The following CROCC2 variants were observed in gnomAD, a reference collection of about 807,000 sequenced individuals.
CROCC2 encodes ciliary rootlet coiled-coil protein 2.
Under a neutral mutation model 177.6 loss-of-function variants are expected in CROCC2, and 163 were observed. That is an observed-to-expected ratio of 0.92 (90% CI 0.81 to 1.05). The LOEUF is 1.05. Ranked by LOEUF, CROCC2 falls within the 50% of genes least tolerant of loss-of-function variation. CROCC2 has a pLI of 0.00. For synonymous variants in CROCC2, 904 were observed against 787.3 expected, an observed-to-expected ratio of 1.15 and a Z score of -2.48; for missense variants, 1,929 against 1,797.8, an observed-to-expected ratio of 1.07 and a Z score of -1.32.
At chr2:240,950,054 A>G (rs2059544413) in intron 17 of CROCC2, among the ~76,000 whole-genome samples, 1 of 152,184 alleles carries the variant, frequency 6.6e-6, no homozygotes, top group Non-Finnish European at 1.5e-5. Context: ...CTGGTTTGAC[A>G]TGTCTTTACA....
intron 20 of CROCC2, among the ~76,000 whole-genome samples, chr2:240,962,045 C>T (rs1337414170): frequency 2.2e-5 from 3 of 138,110 alleles, no homozygotes; most frequent in Middle Eastern, 3.2e-3. Context: ...CACACACGCG[C>T]ACACACATAC....
At chr2:240,966,938 T>C (rs986928803) in intron 25 of CROCC2, among the ~76,000 whole-genome samples, 2 of 152,036 alleles carry the variant, frequency 1.3e-5, no homozygotes, top group Non-Finnish European at 2.9e-5. Context: ...ACTCCTTCCC[T>C]TCGGGCCCAC....
At chr2:240,925,477 T>C (rs1050085141) in intron 4 of CROCC2, among the ~76,000 whole-genome samples, 5 of 152,148 alleles carry the variant, frequency 3.3e-5, no homozygotes, top group Non-Finnish European at 5.9e-5. Flanking sequence ...GGGGCAGATA[T>C]CGCAGGGAGG....
chr2:240,949,425 C>G lies in CROCC2; in HGVS notation c.2483-108C>G. 7.4e-7 allele frequency: 1 copy of G among 1,353,470 alleles called. No individual in the cohort carries two copies. 83.8% of individuals were successfully genotyped at this position (1,353,470 alleles called of 1,614,324 possible). A position where few individuals can be genotyped will look rare whatever the true frequency, so the allele number is the denominator to read the frequency against. ...ATGTGCTGGCCACCCACTCCCGGAG[C>G]CTGGAGTGGACAGTGCTTGCCCCCA... On this transcript the variant is annotated intron_variant, in intron 16 of 31. Transcript: ENST00000690015. The surrounding 1 kb of genome is among the most constrained non-coding windows in gnomAD (Gnocchi z 4.5).
At chr2:240,919,827 C>T (rs568299007) in intron 2 of CROCC2, among the ~76,000 whole-genome samples, 156 bp from the exon 3 acceptor site, 2 of 152,270 alleles carry the variant, frequency 1.3e-5, no homozygotes, top group South Asian at 4.1e-4. Context: ...TGTTAGGGTC[C>T]CGGGCTCAGA....
At chr2:240,957,826 T>C in intron 19 of CROCC2, 1 of 270,184 alleles carries the variant, frequency 3.7e-6, no homozygotes, top group Non-Finnish European at 5.7e-6. Context: ...GGACCAAGCT[T>C]GGCATCGGGC....
Position 240,934,974 on chromosome 2 carries a change from T to C in CROCC2, c.1850T>C (p.Val617Ala), listed in dbSNP as rs1210477366. The C allele has an allele frequency of 1.3e-6, 2 of 1,501,220 alleles. No individual in the cohort carries two copies. The highest frequency in any genetic ancestry group is 2.6e-5 in the South Asian group (2 of 77,858). 93.0% of individuals were successfully genotyped at this position (1,501,220 alleles called of 1,614,324 possible). The change falls in exon 13 of 32, where the codon GTG becomes GCG. Residue 617 changes from valine to alanine, a missense_variant. Around this residue, in one of 3 missense-constraint regions of CROCC2, gnomAD observed 1,397 missense variants for 1,239.9 expected, o/e 1.13. Coordinates refer to ENST00000690015, the MANE Select transcript of CROCC2 (RefSeq NM_001351305.2). Reference protein sequence around the residue: ...LLVRRLKSEGVEQRDSLAAMA... With the variant: ...LLVRRLKSEGAEQRDSLAAMA... ...GTGAGGCGGCTGAAGTCGGAGGGAGTGGAGCAAAGGGACTCCCTGGCCGCA... is the reference window on the plus strand; with the variant it reads ...GTGAGGCGGCTGAAGTCGGAGGGAGCGGAGCAAAGGGACTCCCTGGCCGCA...
At chr2:240,922,696 C>A in intron 4 of CROCC2, 51 bp downstream of exon 4, 1 of 525,546 alleles carries the variant, frequency 1.9e-6, no homozygotes. Context: ...AGCCATCCCC[C>A]CGAGAGGCAG....
rs763990813 is a variant in CROCC2, at chr2:240,968,146, G to A, written c.4285G>A (p.Gly1429Ser). 3.9e-4 allele frequency: 589 copies of A among 1,500,654 alleles called. 2 individuals are homozygous for A. The highest frequency in any genetic ancestry group is 7.4e-5 in the Non-Finnish European group (83 of 1,128,034). The allele number at this position is 1,500,654 out of a possible 1,614,324, so 93.0% of individuals were successfully genotyped here. ...EAEEGQRRVE[G>S]ALSSARAARA... ...CCCCACAGGCCAGCGCCGGGTGGAGGGCGCGCTGAGCAGCGCCCGGGCAGC... is the reference window on the plus strand; with the variant it reads ...CCCCACAGGCCAGCGCCGGGTGGAGAGCGCGCTGAGCAGCGCCCGGGCAGC... Residue 1429 changes from glycine to serine, a missense_variant, in exon 27 of 32, where the codon GGC becomes AGC. Gly to Ser is a moderately conservative substitution (Grantham distance 56). Coordinates refer to ENST00000690015, the MANE Select transcript of CROCC2 (RefSeq NM_001351305.2).
chr2:240,932,677 A>C (rs1229081833), intron 8 of CROCC2, 25 bp from the exon 9 acceptor site: 5 of 725,182 alleles, frequency 6.9e-6, no homozygotes, highest in Non-Finnish European at 1.0e-5. Context: ...GGGCCCCTCT[A>C]TCCCTTCCTC....
chr2:240,971,776 C>T (rs891233588), intron 27 of CROCC2, among the ~76,000 whole-genome samples: 3 of 152,166 alleles, frequency 2.0e-5, no homozygotes, highest in Admixed American at 6.5e-5. Flanking sequence ...CATCCCAATA[C>T]TGATCCCCTG....
At position 240,959,098 on chromosome 2, in the gene CROCC2, G is replaced by A. The variant is rs1033629323; in HGVS notation, c.2944-203G>A. ...TCACACATCACAGCTGTCAGGGGCC[G>A]TGGATGTCTCCTCATCCCAGCAGCC... On this transcript the variant is annotated intron_variant, in intron 19 of 31. Transcript: ENST00000690015. 12 of 573,822 alleles carry A rather than the reference G, an allele frequency of 2.1e-5. No individual in the cohort carries two copies. The East Asian group carries it at 2.8e-4, about 13-fold the overall frequency. 35.5% of individuals were successfully genotyped at this position (573,822 alleles called of 1,614,324 possible). A position where few individuals can be genotyped will look rare whatever the true frequency, so the allele number is the denominator to read the frequency against.
intron 1 of CROCC2, among the ~76,000 whole-genome samples, chr2:240,913,749 G>A (rs953184890): frequency 6.6e-6 from 1 of 152,258 alleles, no homozygotes; most frequent in Non-Finnish European, 1.5e-5. Flanking sequence ...CTGAGCAATT[G>A]CTGAAATACA....
rs2059731285 is a variant in CROCC2 at position 240,972,858 on chromosome 2, T to C, written c.4401+4596T>C. On this transcript the variant is annotated intron_variant, in intron 27 of 31. Transcript: ENST00000690015. This position sits in a 1 kb window ranked among gnomAD's most constrained non-coding sequence, Gnocchi z 7.1. ...TCTATGAGTCATTGTGATAGGTTTC[T>C]GGATTCAGACACACCTAAGTCACCA... Among the ~76,000 whole-genome samples the C allele has an allele frequency of 6.6e-6, 1 of 152,166 alleles. No individual in the cohort carries two copies. Among genetic ancestry groups the C allele is most frequent in the East Asian group, 1.9e-4 (1 of 5,174 alleles).
chr2:240,969,437 G>A (rs1242528573), intron 27 of CROCC2, among the ~76,000 whole-genome samples: 1 of 152,242 alleles, frequency 6.6e-6, no homozygotes, highest in African/African-American at 2.4e-5. Flanking sequence ...AGAGAGCAAG[G>A]TCCTCATTAG....
At chr2:240,944,395 T>C (rs1240244779) in intron 14 of CROCC2, among the ~76,000 whole-genome samples, 1 of 152,204 alleles carries the variant, frequency 6.6e-6, no homozygotes, top group Admixed American at 6.5e-5. Context: ...TCTGTTCAAA[T>C]GTGCCCTCTC....
In CROCC2 at chr2:240,934,425, C is replaced by A. The variant is rs2059454357; in HGVS notation, c.1741C>A (p.Arg581=). The A allele has an allele frequency of 6.5e-7, 1 of 1,548,500 alleles. No homozygotes were observed. The highest frequency in any genetic ancestry group is 1.2e-5 in the South Asian group (1 of 83,984). ...REALSTAQLQ[R]DVVESEREGL... Reference sequence around the variant, plus strand: ...GGCACTGAGCACAGCACAGCTGCAGCGGGATGTCGTGGAGAGTGAGAGGGA... The same window carrying A: ...GGCACTGAGCACAGCACAGCTGCAGAGGGATGTCGTGGAGAGTGAGAGGGA... Residue 581 remains arginine, a synonymous_variant, in exon 12 of 32, where the codon CGG becomes AGG. Transcript: ENST00000690015.
intron 1 of CROCC2, among the ~76,000 whole-genome samples, chr2:240,914,572 G>A (rs939622070): frequency 1.3e-5 from 2 of 152,218 alleles, no homozygotes; most frequent in Non-Finnish European, 2.9e-5. Context: ...CTCAGGGAAG[G>A]GACCCTCCAC....
chr2:240,971,282 C>T (rs758033612), intron 27 of CROCC2, among the ~76,000 whole-genome samples: 6 of 152,216 alleles, frequency 3.9e-5, no homozygotes, highest in African/African-American at 7.2e-5. Flanking sequence ...ATGAATCCAA[C>T]GTAATCACAG....
Sources: allele counts gnomAD v4.1 joint callset (sites outside exome capture counted in the v4.1 genomes callset), GRCh38; gene constraint gnomAD v4.1.1; regional missense constraint gnomAD v4.1.1; non-coding constraint Gnocchi (gnomAD v3.1); transcripts MANE v1.5; gene names NCBI Gene and HGNC (gene_info 2026-07-23, HGNC 2026-07-21).